The following PTPRD variants were observed in gnomAD, a reference collection of about 807,000 sequenced individuals.
PTPRD encodes the protein receptor-type tyrosine-protein phosphatase delta.
In PTPRD, 34 loss-of-function variants were observed where a neutral mutation model predicts 214.5. That is an observed-to-expected ratio of 0.16 (90% CI 0.12 to 0.21). The LOEUF (loss-of-function observed/expected upper bound fraction) is 0.21, where lower values mean the gene tolerates loss of function less well. PTPRD is among the 10% of genes least tolerant of loss of function. PTPRD has a pLI of 1.00. For missense variants in PTPRD, 2,545 were observed against 2,398.7 expected (o/e 1.06, Z -1.27); for synonymous variants, 1,128 against 845.7 (o/e 1.33, Z -5.79).
intron 4 of PTPRD, among the ~76,000 whole-genome samples, chr9:9,988,465 T>C (rs1010569485): frequency 1.3e-5 from 2 of 152,180 alleles, no homozygotes; most frequent in Admixed American, 6.5e-5. Flanking sequence ...ACAACAGATG[T>C]TATTATCTAT....
intron 8 of PTPRD, among the ~76,000 whole-genome samples, chr9:9,513,296 G>A (rs939068732): frequency 2.6e-5 from 4 of 151,904 alleles, no homozygotes; most frequent in Non-Finnish European, 5.9e-5. Flanking sequence ...TGATAAAAAT[G>A]TTCACAGTTC....
At chr9:10,320,574 C>T (rs775962991) in intron 3 of PTPRD, among the ~76,000 whole-genome samples, 1 of 151,930 alleles carries the variant, frequency 6.6e-6, no homozygotes, top group Non-Finnish European at 1.5e-5. Context: ...GAATTCAATC[C>T]TATAACCCAA....
At chr9:9,127,945 C>T (rs1024688476) in intron 10 of PTPRD, among the ~76,000 whole-genome samples, 3 of 152,212 alleles carry the variant, frequency 2.0e-5, no homozygotes, top group Non-Finnish European at 2.9e-5. Flanking sequence ...GTACCCCAAG[C>T]TCTCTGTCCT....
chr9:9,245,978 A>G (rs1402799574), intron 9 of PTPRD, among the ~76,000 whole-genome samples: 3 of 152,050 alleles, frequency 2.0e-5, no homozygotes, highest in Admixed American at 2.0e-4. Flanking sequence ...AGCAAAGCAA[A>G]CTTAAAAAGA....
chr9:8,515,794 C>T (rs2097771984), intron 21 of PTPRD, among the ~76,000 whole-genome samples: 1 of 152,144 alleles, frequency 6.6e-6, no homozygotes, highest in Non-Finnish European at 1.5e-5. Flanking sequence ...ACTCCCTAGG[C>T]CCCAGAACTG....
intron 8 of PTPRD, among the ~76,000 whole-genome samples, chr9:9,432,615 T>C (rs909662655): frequency 6.6e-6 from 1 of 152,208 alleles, no homozygotes; most frequent in Non-Finnish European, 1.5e-5. Context: ...AACCCAACAG[T>C]GCAGACCCAT....
intron 2 of PTPRD, among the ~76,000 whole-genome samples, chr9:10,426,490 C>T (rs2098618792): frequency 1.3e-5 from 2 of 151,964 alleles, no homozygotes; most frequent in African/African-American, 4.8e-5. Context: ...AGGGTTTTTG[C>T]TATGAAAACT....
At chr9:9,712,432 T>C (rs1407890651) in intron 7 of PTPRD, among the ~76,000 whole-genome samples, 1 of 152,172 alleles carries the variant, frequency 6.6e-6, no homozygotes, top group Non-Finnish European at 1.5e-5. Context: ...TCCAGTTCAT[T>C]AATATTTTTA....
At chr9:10,138,806 G>T (rs1460606098) in intron 3 of PTPRD, among the ~76,000 whole-genome samples, 2 of 151,998 alleles carry the variant, frequency 1.3e-5, no homozygotes, top group Non-Finnish European at 2.9e-5. Flanking sequence ...GAAACCATAT[G>T]ACCTCAATAG....
At chr9:8,882,115 C>G (rs2098450994) in intron 11 of PTPRD, among the ~76,000 whole-genome samples, 1 of 152,178 alleles carries the variant, frequency 6.6e-6, no homozygotes, top group African/African-American at 2.4e-5. Context: ...GAGCAAGAAC[C>G]AACAAGGTCT....
At chr9:9,493,705 G>A (rs909638555) in intron 8 of PTPRD, among the ~76,000 whole-genome samples, 24 of 147,680 alleles carry the variant, frequency 1.6e-4, no homozygotes, top group Non-Finnish European at 2.4e-4. Context: ...GGAGAATGGC[G>A]TGAACCCAGG....
chr9:8,613,028 A>G (rs2154292345), intron 14 of PTPRD, among the ~76,000 whole-genome samples: 1 of 152,318 alleles, frequency 6.6e-6, no homozygotes, highest in South Asian at 2.1e-4. Flanking sequence ...TCATGTGTTT[A>G]TATTCAACAT....
intron 39 of PTPRD, among the ~76,000 whole-genome samples, chr9:8,356,067 G>A (rs555497922): frequency 4.5e-4 from 68 of 152,292 alleles, no homozygotes; most frequent in African/African-American, 1.5e-3. Context: ...ATGGAAAGGA[G>A]AGACCGCAAA....
chr9:8,568,773 G>A (rs2090204162), intron 14 of PTPRD, among the ~76,000 whole-genome samples: 1 of 151,636 alleles, frequency 6.6e-6, no homozygotes, highest in Admixed American at 6.6e-5. Context: ...AGGCATAACA[G>A]TCTCCATTTT....
intron 11 of PTPRD, among the ~76,000 whole-genome samples, chr9:8,743,797 C>CAAT (rs138293869): frequency 0.038 from 5,277 of 138,240 alleles, 123 homozygotes; most frequent in East Asian, 0.057. Context: ...CAAAAAATAA[C>CAAT]AATAATAATA....
At chr9:9,875,350 T>C (rs754448124) in intron 5 of PTPRD, among the ~76,000 whole-genome samples, 15 of 152,084 alleles carry the variant, frequency 9.9e-5, no homozygotes, top group Non-Finnish European at 2.2e-4. Context: ...CTAGCCTGGA[T>C]GATAGAGTGA....
intron 9 of PTPRD, among the ~76,000 whole-genome samples, chr9:9,325,956 GT>G: frequency 1.3e-5 from 2 of 152,088 alleles, no homozygotes; most frequent in Non-Finnish European, 2.9e-5. Flanking sequence ...ATAATCATGT[GT>G]TTTTTGTCTT....
intron 11 of PTPRD, among the ~76,000 whole-genome samples, chr9:8,805,595 TTTATTA>T (rs1191743130): frequency 2.0e-5 from 3 of 151,728 alleles, no homozygotes; most frequent in Non-Finnish European, 4.4e-5. Context: ...ATTTTTATTT[TTTATTA>T]TTATTATTAT....
chr9:9,878,572 G>A (rs1267057756), intron 5 of PTPRD, among the ~76,000 whole-genome samples: 2 of 152,172 alleles, frequency 1.3e-5, no homozygotes, highest in Non-Finnish European at 2.9e-5. Context: ...TAGAGAAAAT[G>A]TTTAGACCTA....
Sources: allele counts gnomAD v4.1 joint callset (sites outside exome capture counted in the v4.1 genomes callset), GRCh38; gene constraint gnomAD v4.1.1; transcripts MANE v1.5; gene names NCBI Gene and HGNC (gene_info 2026-07-23, HGNC 2026-07-21).